AFG2A: variants seen among roughly 807,000 people sequenced by gnomAD.
AFG2A encodes ATPase family gene 2 protein homolog A.
the AFG2A span, among the ~76,000 whole-genome samples, chr4:123,241,694 T>C: frequency 6.6e-6 from 1 of 152,146 alleles, no homozygotes; most frequent in African/African-American, 2.4e-5. Flanking sequence ...GGGCAAAAAC[T>C]GGAAGCGTTC....
chr4:123,292,360 C>G, the AFG2A span, among the ~76,000 whole-genome samples: 4 of 152,054 alleles, frequency 2.6e-5, no homozygotes, highest in Non-Finnish European at 5.9e-5. Flanking sequence ...ATTTTTTTAT[C>G]TGGCATTTCA....
chr4:122,934,291 C>G, the AFG2A span: 2 of 1,614,194 alleles, frequency 1.2e-6, no homozygotes, highest in Admixed American at 1.7e-5. Flanking sequence ...GTTATCCTTA[C>G]AGCTAAGCCA....
At chr4:123,132,855 A>G in the AFG2A span, among the ~76,000 whole-genome samples, 5 of 141,324 alleles carry the variant, frequency 3.5e-5, no homozygotes, top group African/African-American at 1.3e-4. Context: ...ATCTTGGCTC[A>G]CTGCAAGCCC....
chr4:123,063,697 G>A, the AFG2A span, among the ~76,000 whole-genome samples: 30 of 152,014 alleles, frequency 2.0e-4, no homozygotes, highest in African/African-American at 6.5e-4. Context: ...AGTGAGCTGA[G>A]ATCGCGCCAC....
the AFG2A span, among the ~76,000 whole-genome samples, chr4:123,268,205 TGAAAA>T: frequency 6.6e-6 from 1 of 151,822 alleles, no homozygotes; most frequent in African/African-American, 2.4e-5. Flanking sequence ...AGGGAGCAGA[TGAAAA>T]GAGAGACAAG....
the AFG2A span, among the ~76,000 whole-genome samples, chr4:122,998,364 GGTTA>G: frequency 6.6e-6 from 1 of 151,834 alleles, no homozygotes; most frequent in African/African-American, 2.4e-5. Flanking sequence ...ACAATGTGCA[GGTTA>G]GTTAAATATG....
chr4:122,949,131 A>G, the AFG2A span, among the ~76,000 whole-genome samples: 1 of 152,180 alleles, frequency 6.6e-6, no homozygotes, highest in South Asian at 2.1e-4. Context: ...TCAGGAATAC[A>G]TACACAACAG....
chr4:123,060,285 G>C, the AFG2A span, among the ~76,000 whole-genome samples: 1 of 152,226 alleles, frequency 6.6e-6, no homozygotes, highest in East Asian at 1.9e-4. Flanking sequence ...AGCTCCACTA[G>C]GTGGTGCCCC....
the AFG2A span, among the ~76,000 whole-genome samples, chr4:123,174,897 C>T: frequency 6.6e-6 from 1 of 151,934 alleles, no homozygotes; most frequent in African/African-American, 2.4e-5. Flanking sequence ...GTGGCACGAT[C>T]ACGGCTCACT....
the AFG2A span, among the ~76,000 whole-genome samples, chr4:123,067,289 C>T: frequency 5.9e-5 from 9 of 152,050 alleles, no homozygotes; most frequent in Non-Finnish European, 7.4e-5. Context: ...GAGGCTGAGG[C>T]GGGCGGATCA....
chr4:122,994,230 A>T, the AFG2A span, among the ~76,000 whole-genome samples: 4 of 152,114 alleles, frequency 2.6e-5, no homozygotes, highest in African/African-American at 9.7e-5. Context: ...TTTTTAGAAT[A>T]AAAATGCCTA....
At chr4:123,260,662 T>C in the AFG2A span, among the ~76,000 whole-genome samples, 4 of 152,214 alleles carry the variant, frequency 2.6e-5, no homozygotes, top group Non-Finnish European at 4.4e-5. Context: ...TATCAGTCAT[T>C]GTATTAGAAT....
the AFG2A span, among the ~76,000 whole-genome samples, chr4:123,282,808 G>T: frequency 6.7e-6 from 1 of 148,372 alleles, no homozygotes; most frequent in Non-Finnish European, 1.5e-5. Context: ...AGAAGCAGGG[G>T]GGAGAAAAGA....
the AFG2A span, among the ~76,000 whole-genome samples, chr4:123,313,131 A>T: frequency 6.6e-6 from 1 of 152,170 alleles, no homozygotes; most frequent in Admixed American, 6.5e-5. Flanking sequence ...AAGTCCAGAG[A>T]GCTTAAAAAC....
chr4:123,199,462 G>GTTTTTTTTTT, the AFG2A span, among the ~76,000 whole-genome samples: 1 of 47,444 alleles, frequency 2.1e-5, no homozygotes, highest in Admixed American at 3.0e-4. Flanking sequence ...ATACTCAGAG[G>GTTTTTTTTTT]TTTTTTTTTT....
At chr4:123,199,150 C>T in the AFG2A span, among the ~76,000 whole-genome samples, 1 of 152,102 alleles carries the variant, frequency 6.6e-6, no homozygotes, top group Non-Finnish European at 1.5e-5. Flanking sequence ...TACTCCTTGA[C>T]CTCTGTGAGT....
At chr4:123,026,041 C>A in the AFG2A span, among the ~76,000 whole-genome samples, 1 of 151,884 alleles carries the variant, frequency 6.6e-6, no homozygotes. Flanking sequence ...TTTTTCCCAA[C>A]TTTAAAATTA....
the AFG2A span, among the ~76,000 whole-genome samples, chr4:123,222,379 G>C: frequency 6.6e-6 from 1 of 152,090 alleles, no homozygotes; most frequent in Non-Finnish European, 1.5e-5. Context: ...GGCACCAAAA[G>C]TTCTTAAACA....
chr4:123,256,531 A>G, the AFG2A span, among the ~76,000 whole-genome samples: 1 of 152,200 alleles, frequency 6.6e-6, no homozygotes, highest in Non-Finnish European at 1.5e-5. Context: ...TTCTTTACCC[A>G]TCAAATGGAA....
Sources: gnomAD v4.1 joint callset for allele counts (sites outside exome capture counted in the v4.1 genomes callset) on GRCh38, gnomAD v4.1.1 for gene constraint, MANE v1.5 for transcripts, NCBI Gene and HGNC (gene_info 2026-07-23, HGNC 2026-07-21) for gene names.